ST3GAL3: variants seen among roughly 807,000 people sequenced by gnomAD.
ST3GAL3 encodes CMP-N-acetylneuraminate-beta-1,4-galactoside alpha-2,3-sialyltransferase.
In ST3GAL3, 21 loss-of-function variants were observed where a neutral mutation model predicts 50.1. The ratio of observed to expected loss-of-function variants is 0.42; its 90% CI spans 0.30 to 0.60. The LOEUF is 0.60. ST3GAL3 is among the 20% of genes least tolerant of loss of function. ST3GAL3 has a pLI of 0.19. For synonymous variants in ST3GAL3, 183 were observed against 190.0 expected (o/e 0.96, Z 0.30); for missense variants, 353 against 489.4 (o/e 0.72, Z 2.63).
chr1:43,776,059 A>G (rs1431793950), intron 2 of ST3GAL3, among the ~76,000 whole-genome samples: 2 of 152,144 alleles, frequency 1.3e-5, no homozygotes, highest in Non-Finnish European at 2.9e-5. Flanking sequence ...ACACCATACA[A>G]TTTACTTACT....
chr1:43,770,980 C>T (rs1416025355), intron 2 of ST3GAL3, among the ~76,000 whole-genome samples: 2 of 152,248 alleles, frequency 1.3e-5, no homozygotes, highest in Non-Finnish European at 2.9e-5. Flanking sequence ...ACAGCTTTAT[C>T]TTCCAAAGTA....
chr1:43,838,195 G>T, intron 4 of ST3GAL3, 24 bp from the exon 5 acceptor site: 1 of 1,592,300 alleles, frequency 6.3e-7, no homozygotes, highest in Non-Finnish European at 8.6e-7. Flanking sequence ...CTGGCAAGCT[G>T]TAACTTTCCT....
intron 9 of ST3GAL3, among the ~76,000 whole-genome samples, chr1:43,915,023 C>G (rs1038519123): frequency 6.6e-6 from 1 of 152,236 alleles, no homozygotes; most frequent in African/African-American, 2.4e-5. Flanking sequence ...AAACTGGGGT[C>G]GGCTTGCTCA....
chr1:43,819,031 C>T (rs1456139532), intron 4 of ST3GAL3: 3 of 152,304 alleles, frequency 2.0e-5, no homozygotes, highest in Non-Finnish European at 2.9e-5. Flanking sequence ...ATATATAGTA[C>T]ATAGATGAAT....
At chr1:43,815,974 C>G (rs2061190315) in intron 4 of ST3GAL3, among the ~76,000 whole-genome samples, 1 of 151,994 alleles carries the variant, frequency 6.6e-6, no homozygotes, top group Non-Finnish European at 1.5e-5. Context: ...GACAAGCATG[C>G]CTTGAGTTGC....
At chr1:43,929,439 G>C (rs1450319841) in intron 11 of ST3GAL3, among the ~76,000 whole-genome samples, 1 of 151,830 alleles carries the variant, frequency 6.6e-6, no homozygotes, top group Non-Finnish European at 1.5e-5. Flanking sequence ...TGAGTAGCTG[G>C]GATTATAGGC....
rs749277110 is a variant in ST3GAL3, at chr1:43,898,223, C to G, written c.398-12C>G. 2 of 1,613,776 alleles carry G rather than the reference C, an allele frequency of 1.2e-6. No individual in the cohort carries two copies. The highest frequency in any genetic ancestry group is 8.5e-7 in the Non-Finnish European group (1 of 1,179,940). On this transcript the variant is annotated splice_polypyrimidine_tract_variant and intron_variant, in intron 6 of 11. Coordinates refer to ENST00000347631, the MANE Select transcript of ST3GAL3 (RefSeq NM_006279.5). ...TGACCCTGTAACAGAAACCTCTCTC[C>G]TCTGTCTGCAGACAATCTGATCAAA...
chr1:43,738,014 T>A (rs1285785522), intron 2 of ST3GAL3: 1 of 152,268 alleles, frequency 6.6e-6, no homozygotes, highest in African/African-American at 2.4e-5. Flanking sequence ...GGAACTGGAA[T>A]TCAATTCCTG....
intron 5 of ST3GAL3, among the ~76,000 whole-genome samples, chr1:43,857,465 T>TTCCC (rs960435087): frequency 3.2e-5 from 4 of 126,898 alleles, no homozygotes; most frequent in Non-Finnish European, 7.2e-5. Flanking sequence ...ATATGTGTAT[T>TTCCC]TCCCTCCTTC....
rs536626560 is a variant in ST3GAL3 at position 43,858,865 on chromosome 1, G to T, written c.302+20554G>T. ...AGGGCTGAAGCCTTGCCTCCCCACT[G>T]TGGAGGCAGGACATGAGTCTATGCC... On this transcript the variant is annotated intron_variant, in intron 5 of 11. Transcript: ENST00000347631. 3.0e-3 allele frequency among the ~76,000 whole-genome samples: 451 copies of T among 152,352 alleles called. 5 individuals are homozygous for T. Among genetic ancestry groups the T allele is most frequent in the African/African-American group, 0.011 (439 of 41,580 alleles).
intron 5 of ST3GAL3, chr1:43,850,882 A>C: frequency 8.0e-7 from 1 of 1,255,836 alleles, no homozygotes; most frequent in Non-Finnish European, 1.2e-6. Context: ...TTGATGAGAG[A>C]CTCCAGGTTG....
At chr1:43,871,878 G>A (rs1312729388) in intron 5 of ST3GAL3, among the ~76,000 whole-genome samples, 1 of 14,908 alleles carries the variant, frequency 6.7e-5, no homozygotes, top group Non-Finnish European at 1.4e-4. Context: ...AGAGGAGGGC[G>A]TGTGTGAGGG....
At chr1:43,920,637 G>A in intron 10 of ST3GAL3, 87 bp downstream of exon 10, 5 of 1,604,334 alleles carry the variant, frequency 3.1e-6, no homozygotes, top group Non-Finnish European at 3.4e-6. Context: ...GTGGGGCAGT[G>A]CTTCTGCAAA....
At chr1:43,727,834 C>G (rs374270999) in intron 1 of ST3GAL3, among the ~76,000 whole-genome samples, 4 of 152,078 alleles carry the variant, frequency 2.6e-5, no homozygotes, top group Admixed American at 2.0e-4. Context: ...TATTAAGTGC[C>G]TTTTTCTATC....
chr1:43,766,546 G>A (rs532118856), intron 2 of ST3GAL3, among the ~76,000 whole-genome samples: 3 of 152,238 alleles, frequency 2.0e-5, no homozygotes, highest in South Asian at 2.1e-4. Context: ...CAGAGTACTC[G>A]AAATATTTTG....
rs1412809717 is a variant in ST3GAL3 at position 43,746,314 on chromosome 1, G to A, written c.118+9934G>A. 6.6e-5 allele frequency among the ~76,000 whole-genome samples: 10 copies of A among 152,258 alleles called. No individual in the cohort carries two copies. In the East Asian group the frequency reaches 1.2e-3, roughly 18 times the overall value. On this transcript the variant is annotated intron_variant, in intron 2 of 11. Transcript: ENST00000347631. ...AGACAGAAAGTAAAACATGGCTGCC[G>A]GAGACTGGAACAGAGGGGAGCGGAG... is the stretch of plus-strand genomic sequence containing the variant.
chr1:43,924,830 G>A (rs2083629458), intron 11 of ST3GAL3, among the ~76,000 whole-genome samples: 1 of 152,228 alleles, frequency 6.6e-6, no homozygotes, highest in Non-Finnish European at 1.5e-5. Context: ...TTGCCTTGGT[G>A]CAGGAATGAG....
chr1:43,903,158 G>C (rs929568944), intron 9 of ST3GAL3, among the ~76,000 whole-genome samples: 1 of 152,240 alleles, frequency 6.6e-6, no homozygotes, highest in African/African-American at 2.4e-5. Context: ...GAGGTGTGCT[G>C]TGTGGATCAA....
At position 43,929,937 on chromosome 1, in the gene ST3GAL3, G is replaced by A. The variant is rs530449406; in HGVS notation, c.1039-195G>A. On this transcript the variant is annotated intron_variant, in intron 11 of 11. Transcript: ENST00000347631. The stretch of plus-strand genomic sequence containing the variant: ...GTTCTTTTTTCCCTGTCTTGGGAAG[G>A]GAGGAGGATGAGCTGTGGCACTCCT... The A allele has an allele frequency of 1.3e-4, 99 of 740,656 alleles. 1 individual carries two copies. Among genetic ancestry groups the A allele is most frequent in the South Asian group, 1.3e-3 (97 of 72,924 alleles). 45.9% of individuals were successfully genotyped at this position (740,656 alleles called of 1,614,324 possible). A position where few individuals can be genotyped will look rare whatever the true frequency, so the allele number is the denominator to read the frequency against.
Sources: gnomAD v4.1 joint callset for allele counts (sites outside exome capture counted in the v4.1 genomes callset) on GRCh38, gnomAD v4.1.1 for gene constraint, MANE v1.5 for transcripts, NCBI Gene and HGNC (gene_info 2026-07-23, HGNC 2026-07-21) for gene names.